The following ITGB5 variants were observed in gnomAD, a reference collection of about 807,000 sequenced individuals.
The protein encoded by ITGB5 is integrin subunit beta 5.
A neutral mutation model predicts 84.8 loss-of-function variants in ITGB5; 38 were observed. The ratio of observed to expected loss-of-function variants is 0.45; its 90% CI spans 0.35 to 0.59. ITGB5 has a LOEUF of 0.59. Ranked by LOEUF, ITGB5 falls within the 20% of genes least tolerant of loss-of-function variation. ITGB5 has a pLI of 0.01. For synonymous variants in ITGB5, 393 were observed against 414.4 expected, an observed-to-expected ratio of 0.95 and a Z score of 0.63; for missense variants, 905 against 1,034.5, an observed-to-expected ratio of 0.87 and a Z score of 1.72.
intron 11 of ITGB5, among the ~76,000 whole-genome samples, chr3:124,771,189 T>C (rs2063838118): frequency 6.6e-6 from 1 of 152,184 alleles, no homozygotes; most frequent in Non-Finnish European, 1.5e-5. Flanking sequence ...GCCTGTTAAC[T>C]GAAATCAGCT....
chr3:124,781,795 C>G (rs2064009623), intron 10 of ITGB5, among the ~76,000 whole-genome samples: 1 of 152,150 alleles, frequency 6.6e-6, no homozygotes, highest in African/African-American at 2.4e-5. Flanking sequence ...TGGAACGTCT[C>G]CCCTGCTCTC....
At chr3:124,794,797 CA>C (rs2064197305) in intron 10 of ITGB5, among the ~76,000 whole-genome samples, 2 of 136,404 alleles carry the variant, frequency 1.5e-5, no homozygotes, top group Non-Finnish European at 3.1e-5. Context: ...AAAAAAGAAA[CA>C]AGAAAGAAAG....
At chr3:124,850,452 C>T (rs1023372456) in intron 3 of ITGB5, among the ~76,000 whole-genome samples, 10 of 148,586 alleles carry the variant, frequency 6.7e-5, no homozygotes, top group African/African-American at 2.5e-4. Context: ...AGCCTGCTTC[C>T]CCTGACTTGT....
intron 10 of ITGB5, among the ~76,000 whole-genome samples, chr3:124,779,817 G>T (rs1004416236): frequency 2.6e-5 from 4 of 152,124 alleles, no homozygotes; most frequent in Admixed American, 1.3e-4. Context: ...GGCGGGGTGT[G>T]GGGGGAGCTT....
intron 1 of ITGB5, among the ~76,000 whole-genome samples, chr3:124,886,232 G>C (rs2107655513): frequency 6.6e-6 from 1 of 152,078 alleles, no homozygotes; most frequent in African/African-American, 2.4e-5. Context: ...GCAAATCGCG[G>C]GATAAAGTCG....
At chr3:124,766,072 A>AAAAG (rs1553752265) in intron 13 of ITGB5, among the ~76,000 whole-genome samples, 154 bp downstream of exon 13, 2 of 151,968 alleles carry the variant, frequency 1.3e-5, no homozygotes, top group Admixed American at 6.5e-5. Flanking sequence ...AAAAAAAAAA[A>AAAAG]AAAAGAAAAA....
At chr3:124,795,530 C>A (rs867154449) in intron 10 of ITGB5, among the ~76,000 whole-genome samples, 4 of 151,650 alleles carry the variant, frequency 2.6e-5, no homozygotes, top group African/African-American at 7.2e-5. Context: ...AAAATAAGAG[C>A]CCCCAGAGAT....
chr3:124,874,323 A>G lies in ITGB5; in HGVS notation c.71-792T>C, dbSNP rs542948451. 1.2e-3 allele frequency among the ~76,000 whole-genome samples: 178 copies of G among 151,158 alleles called. 1 individual carries two copies. The highest frequency in any genetic ancestry group is 3.7e-3 in the African/African-American group (153 of 41,376). On this transcript the variant is annotated intron_variant, in intron 1 of 14. Transcript: ENST00000296181. ...AAAAGCCGGAAAAAAAAAAAAAAAA[A>G]AAAGAAAGAAAGAAAAAGAAACTGA...
chr3:124,796,634 C>T lies in ITGB5; in HGVS notation c.1447G>A (p.Val483Ile). The T allele has an allele frequency of 6.2e-7, 1 of 1,614,046 alleles. No individual in the cohort carries two copies. Among genetic ancestry groups the T allele is most frequent in the South Asian group, 1.1e-5 (1 of 91,074 alleles). ...GGGCTGCACTCACACAGGCCGCAGA[C>T]ATAGGTCCCGCTCCCGTTGCACCTG... ...SARCNGSGTYVCGLCECSPGY... is the reference protein window; with the variant it reads ...SARCNGSGTYICGLCECSPGY... The change falls in exon 10 of 15, where the codon GTC (valine) becomes ATC (isoleucine). Residue 483 changes from valine to isoleucine, a missense_variant. Transcript: ENST00000296181.
At chr3:124,821,975 A>C (rs2107561414) in intron 5 of ITGB5, among the ~76,000 whole-genome samples, 1 of 152,316 alleles carries the variant, frequency 6.6e-6, no homozygotes, top group South Asian at 2.1e-4. Flanking sequence ...CAAATGACCA[A>C]TAGATGGGTC....
At chr3:124,828,087 G>C (rs920385484) in intron 5 of ITGB5, among the ~76,000 whole-genome samples, 4 of 152,080 alleles carry the variant, frequency 2.6e-5, no homozygotes, top group Admixed American at 6.5e-5. Context: ...AGCCTGTTTG[G>C]TGGTCTCTTC....
intron 4 of ITGB5, among the ~76,000 whole-genome samples, chr3:124,842,634 C>T (rs17309105): frequency 0.2 from 29,816 of 152,094 alleles, 3,023 homozygotes; most frequent in Admixed American, 0.22. Context: ...GCAGGGTCTC[C>T]AGCCATGTTA....
At position 124,826,351 on chromosome 3, in the gene ITGB5, G is replaced by A. The variant is rs1469693732; in HGVS notation, c.781-4877C>T. Reference sequence around the variant, plus strand: ...AAGAAGACAGAACAATGTGGAATTCGGGTGCCTTCTGATGAGCATGTGAAT... The same window carrying A: ...AAGAAGACAGAACAATGTGGAATTCAGGTGCCTTCTGATGAGCATGTGAAT... On this transcript the variant is annotated intron_variant, in intron 5 of 14. Coordinates refer to ENST00000296181, the MANE Select transcript of ITGB5 (RefSeq NM_002213.5). Among the ~76,000 whole-genome samples the A allele has an allele frequency of 2.6e-5, 4 of 152,152 alleles. No individual in the cohort carries two copies. The South Asian group carries it at 6.2e-4, about 24-fold the overall frequency.
chr3:124,767,536 C>T (rs2063784136), intron 12 of ITGB5, among the ~76,000 whole-genome samples: 1 of 152,234 alleles, frequency 6.6e-6, no homozygotes, highest in Non-Finnish European at 1.5e-5. Flanking sequence ...GTCCTTGGGC[C>T]ACAGGAAGGC....
In ITGB5 at chr3:124,796,852, C is replaced by T. The variant is rs201055503; in HGVS notation, c.1264-35G>A. On this transcript the variant is annotated intron_variant, in intron 9 of 14. Transcript: ENST00000296181. ...AGGAAGAGAAGGGATATCATGGCTG[C>T]GGCAAGCCAGGGTCTCCCATTCACC... is the stretch of plus-strand genomic sequence containing the variant. 307 of 1,554,462 alleles carry T rather than the reference C, an allele frequency of 2.0e-4. No individual in the cohort carries two copies. In the East Asian group the frequency reaches 4.6e-3, roughly 23 times the overall value.
At chr3:124,860,199 T>C (rs1056034977) in intron 2 of ITGB5, among the ~76,000 whole-genome samples, 1 of 152,166 alleles carries the variant, frequency 6.6e-6, no homozygotes, top group African/African-American at 2.4e-5. Flanking sequence ...GTATTACTTA[T>C]AATATAATCT....
rs1424678842 is a variant in ITGB5 at position 124,763,132 on chromosome 3, C to G, written c.*491G>C. ...CCAACACCTGTGTGCAAGGCATAGC[C>G]ATCACGCAGAAAAGTCTCAGGACTC... On this transcript the variant is annotated 3_prime_UTR_variant, in exon 15 of 15. Coordinates refer to ENST00000296181, the MANE Select transcript of ITGB5 (RefSeq NM_002213.5). The G allele has an allele frequency of 1.3e-5, 2 of 154,906 alleles. No individual in the cohort carries two copies. Among genetic ancestry groups the G allele is most frequent in the Non-Finnish European group, 2.9e-5 (2 of 69,624 alleles). 9.6% of individuals were successfully genotyped at this position (154,906 alleles called of 1,614,324 possible).
intron 9 of ITGB5, among the ~76,000 whole-genome samples, chr3:124,798,696 G>A (rs1034216070): frequency 9.9e-5 from 15 of 152,224 alleles, no homozygotes; most frequent in Non-Finnish European, 1.0e-4. Context: ...AAAATGTTGG[G>A]ATTACAGGCG....
intron 10 of ITGB5, among the ~76,000 whole-genome samples, chr3:124,775,745 C>T (rs935679895): frequency 1.3e-5 from 2 of 152,158 alleles, no homozygotes; most frequent in African/African-American, 4.8e-5. Context: ...AACTGGATCC[C>T]AGCACCTTCC....
Sources: allele counts gnomAD v4.1 joint callset (sites outside exome capture counted in the v4.1 genomes callset), GRCh38; gene constraint gnomAD v4.1.1; transcripts MANE v1.5; gene names NCBI Gene and HGNC (gene_info 2026-07-23, HGNC 2026-07-21).